Variants in XYLB observed in about 807,000 individuals in gnomAD.
XYLB encodes xylulose kinase.
Under a neutral mutation model 78.7 loss-of-function variants are expected in XYLB, and 62 were observed. The ratio of observed to expected loss-of-function variants is 0.79; its 90% confidence interval spans 0.64 to 0.97. XYLB has a LOEUF of 0.97. XYLB is among the 50% of genes least tolerant of loss of function. XYLB has a pLI of 0.00. For synonymous variants in XYLB, 245 were observed against 247.4 expected (o/e 0.99, Z 0.09); for missense variants, 687 against 676.8 (o/e 1.02, Z -0.17).
chr3:38,371,471 T>C (rs1706559646), intron 9 of XYLB, among the ~76,000 whole-genome samples: 1 of 152,190 alleles, frequency 6.6e-6, no homozygotes, highest in Non-Finnish European at 1.5e-5. Context: ...AGACGGGGTT[T>C]CACCGTGTTA....
rs901309360 is a variant in XYLB, at chr3:38,346,891, G to A, written c.23G>A (p.Arg8His). ...GCCATGGCGGAGCACGCCCCTCGCCGCTGCTGCCTGGGCTGGGACTTCAGC... is the reference window on the plus strand; with the variant it reads ...GCCATGGCGGAGCACGCCCCTCGCCACTGCTGCCTGGGCTGGGACTTCAGC... MAEHAPRRCCLGWDFSTQ... is the reference protein window; with the variant it reads MAEHAPRHCCLGWDFSTQ... Residue 8 changes from arginine to histidine, a missense_variant, in exon 1 of 19, where the codon CGC becomes CAC. Coordinates refer to ENST00000207870, the MANE Select transcript of XYLB (RefSeq NM_005108.4). The A allele has an allele frequency of 6.6e-7, 1 of 1,519,020 alleles. No individual in the cohort carries two copies. The highest frequency in any genetic ancestry group is 8.8e-7 in the Non-Finnish European group (1 of 1,136,160). The allele number at this position is 1,519,020 out of a possible 1,614,324, so 94.1% of individuals were successfully genotyped here.
intron 17 of XYLB, among the ~76,000 whole-genome samples, chr3:38,398,192 G>A (rs551226603): frequency 1.3e-5 from 2 of 151,968 alleles, no homozygotes; most frequent in Admixed American, 6.5e-5. Flanking sequence ...AACCTTGGCC[G>A]GGTGTGGTGG....
rs79662834 is a variant in XYLB at position 38,385,594 on chromosome 3, A to G, written c.1291+6252A>G. On this transcript the variant is annotated intron_variant, in intron 15 of 18. Coordinates refer to ENST00000207870, the MANE Select transcript of XYLB (RefSeq NM_005108.4). ...ACTTTATTTACATAACATATCTTTCATTTCTAAAAAGATAGTAATTTTCAT... is the reference window on the plus strand; with the variant it reads ...ACTTTATTTACATAACATATCTTTCGTTTCTAAAAAGATAGTAATTTTCAT... Among the ~76,000 whole-genome samples, 4 of 152,268 alleles carry G rather than the reference A, an allele frequency of 2.6e-5. No individual in the cohort carries two copies. The East Asian group carries it at 7.7e-4, about 29-fold the overall frequency.
At chr3:38,356,595 A>T (rs1705673484) in intron 2 of XYLB, 1 of 152,212 alleles carries the variant, frequency 6.6e-6, no homozygotes, top group Non-Finnish European at 1.5e-5. Flanking sequence ...AAATTTTCAT[A>T]GCTTTTTGTT....
intron 7 of XYLB, among the ~76,000 whole-genome samples, chr3:38,367,300 C>A (rs1323070530): frequency 6.6e-6 from 1 of 152,164 alleles, no homozygotes; most frequent in Non-Finnish European, 1.5e-5. Flanking sequence ...CCAGCTGTGG[C>A]CCTTCAGCCA....
At chr3:38,395,636 A>C in intron 16 of XYLB, 73 bp downstream of exon 16, 2 of 1,495,058 alleles carry the variant, frequency 1.3e-6, no homozygotes, top group Non-Finnish European at 1.9e-6. Context: ...GAGACTGGAT[A>C]GGAAGGACAG....
chr3:38,353,126 C>G (rs1705457357), intron 2 of XYLB, among the ~76,000 whole-genome samples: 1 of 152,150 alleles, frequency 6.6e-6, no homozygotes, highest in Non-Finnish European at 1.5e-5. Context: ...GTTCAAAAGG[C>G]CTTCCTCACT....
chr3:38,375,578 G>A (rs1402779005), intron 12 of XYLB, among the ~76,000 whole-genome samples: 1 of 152,142 alleles, frequency 6.6e-6, no homozygotes, highest in Admixed American at 6.5e-5. Context: ...GATGGGGAGG[G>A]TAAGAGCATT....
rs2234610 is a variant in XYLB at position 38,365,626 on chromosome 3, G to A, written c.397G>A (p.Asp133Asn). 6.2e-3 allele frequency: 9,979 copies of A among 1,612,978 alleles called. 388 individuals are homozygous for A. The African/African-American group carries it at 0.1, about 16-fold the overall frequency. ...QQLQDCFSIS[D>N]CPVWMDSSTT... ...TTCCCAGGACTGTTTCTCCATCAGC[G>A]ACTGCCCGGTGTGGATGGACTCCAG... Residue 133 changes from aspartate to asparagine, a missense_variant, in exon 6 of 19, where the codon GAC becomes AAC. Transcript: ENST00000207870.
chr3:38,354,401 C>T (rs1041797158), intron 2 of XYLB, among the ~76,000 whole-genome samples: 1 of 151,528 alleles, frequency 6.6e-6, no homozygotes, highest in African/African-American at 2.4e-5. Context: ...ATTGTTGGTC[C>T]CCTCTGTTTG....
chr3:38,364,847 T>TTGAA (rs542613857), intron 4 of XYLB, among the ~76,000 whole-genome samples: 91 of 152,282 alleles, frequency 6.0e-4, no homozygotes, highest in Admixed American at 1.4e-3. Flanking sequence ...TAAATGTTCA[T>TTGAA]TGAATGAATG....
downstream of XYLB, among the ~76,000 whole-genome samples, chr3:38,418,275 A>G (rs547461659): frequency 2.6e-5 from 4 of 152,106 alleles, no homozygotes; most frequent in East Asian, 7.7e-4. Flanking sequence ...CACTTTAAGC[A>G]TATTTTAAAA....
At chr3:38,386,080 A>AT in intron 15 of XYLB, among the ~76,000 whole-genome samples, 1 of 152,180 alleles carries the variant, frequency 6.6e-6, no homozygotes, top group Non-Finnish European at 1.5e-5. Context: ...GTCCAACACC[A>AT]TGGGGTTCAT....
intron 4 of XYLB, among the ~76,000 whole-genome samples, chr3:38,363,341 G>T (rs1706078052): frequency 6.6e-6 from 1 of 152,136 alleles, no homozygotes; most frequent in African/African-American, 2.4e-5. Flanking sequence ...CACCACAATT[G>T]CTTTTCTATT....
intron 9 of XYLB, among the ~76,000 whole-genome samples, chr3:38,372,132 T>A (rs1217211245): frequency 6.6e-6 from 1 of 152,182 alleles, no homozygotes; most frequent in Non-Finnish European, 1.5e-5. Flanking sequence ...TCATCCCTCT[T>A]TTTGCAGGTA....
chr3:38,449,513 C>A, the XYLB span, among the ~76,000 whole-genome samples: 696 of 152,344 alleles, frequency 4.6e-3, 9 homozygotes, highest in African/African-American at 0.016. Flanking sequence ...CTGCCTCAGC[C>A]TCCTGATGTG....
chr3:38,417,932 CTG>C (rs1708852089), downstream of XYLB, among the ~76,000 whole-genome samples: 1 of 150,258 alleles, frequency 6.7e-6, no homozygotes, highest in South Asian at 2.1e-4. Flanking sequence ...TGTCTCATGT[CTG>C]TAATCCTAGA....
chr3:38,403,379 T>C (rs775325974), intron 18 of XYLB, among the ~76,000 whole-genome samples: 6 of 152,234 alleles, frequency 3.9e-5, no homozygotes, highest in African/African-American at 9.6e-5. Context: ...TTAACACTTA[T>C]AGTTCTGGGC....
intron 15 of XYLB, among the ~76,000 whole-genome samples, chr3:38,383,753 A>C (rs1290951981): frequency 6.6e-6 from 1 of 152,196 alleles, no homozygotes; most frequent in East Asian, 1.9e-4. Context: ...TGATTGCACC[A>C]CTTCACTCTA....
Sources: gnomAD v4.1 joint callset for allele counts (sites outside exome capture counted in the v4.1 genomes callset) on GRCh38, gnomAD v4.1.1 for gene constraint, MANE v1.5 for transcripts, NCBI Gene and HGNC (gene_info 2026-07-23, HGNC 2026-07-21) for gene names.